EPS15: variants seen among roughly 807,000 people sequenced by gnomAD.
The protein encoded by EPS15 is epidermal growth factor receptor pathway substrate 15, also known as epidermal growth factor receptor substrate 15.
EPS15 carries 72 observed loss-of-function variants against 113.8 expected under a neutral mutation model. The observed-to-expected ratio is 0.63, with a 90% CI of 0.52 to 0.77. The LOEUF is 0.77. Among genes scored for constraint, EPS15 ranks in the 30% least tolerant of loss-of-function variants. EPS15 has a pLI of 0.00. For missense variants in EPS15, 1,048 were observed against 1,045.8 expected, an observed-to-expected ratio of 1.00 and a Z score of -0.03; for synonymous variants, 344 against 363.4, an observed-to-expected ratio of 0.95 and a Z score of 0.61.
chr1:51,391,461 A>AATAAC, intron 21 of EPS15, among the ~76,000 whole-genome samples: 1 of 136,412 alleles, frequency 7.3e-6, no homozygotes, highest in African/African-American at 3.0e-5. Flanking sequence ...ACTTTAATAA[A>AATAAC]ATAAAATAAA....
At chr1:51,449,713 C>G (rs2148485392) in intron 8 of EPS15, among the ~76,000 whole-genome samples, 1 of 151,626 alleles carries the variant, frequency 6.6e-6, no homozygotes, top group South Asian at 2.1e-4. Flanking sequence ...TCAATCTCCC[C>G]AAGAATTTGG....
At chr1:51,391,064 C>A (rs1293003707) in intron 21 of EPS15, among the ~76,000 whole-genome samples, 2 of 152,116 alleles carry the variant, frequency 1.3e-5, no homozygotes, top group Non-Finnish European at 2.9e-5. Flanking sequence ...GGAACCAACC[C>A]AAATGTCCAT....
rs1485859672 is a variant in EPS15, at chr1:51,355,090, T to C, written c.*1610A>G. 9.0e-6 allele frequency: 2 copies of C among 221,100 alleles called. No homozygotes were observed. The highest frequency in any genetic ancestry group is 1.3e-4 in the East Asian group (2 of 15,010). 13.7% of individuals were successfully genotyped at this position (221,100 alleles called of 1,614,324 possible). A position where few individuals can be genotyped will look rare whatever the true frequency, so the allele number is the denominator to read the frequency against. ...ATTATGATTCAGCCCTTGCTTCATA[T>C]GTATGACTTTTATGCAGAAATGTTT... On this transcript the variant is annotated 3_prime_UTR_variant, in exon 25 of 25. Coordinates refer to ENST00000371733, the MANE Select transcript of EPS15 (RefSeq NM_001981.3).
chr1:51,484,271 C>G (rs1644078760), intron 1 of EPS15, among the ~76,000 whole-genome samples: 2 of 151,690 alleles, frequency 1.3e-5, no homozygotes, highest in Admixed American at 1.3e-4. Flanking sequence ...TAAAAAGAAA[C>G]TATTATTGGG....
rs78522848 is a variant in EPS15 at position 51,401,703 on chromosome 1, G to T, written c.1882+732C>A. ...CTAGAAAGATGTTCAACATTAGTCA[G>T]TAGGAAAATACAAAGCAGGCCAGGC... is the stretch of plus-strand genomic sequence containing the variant. On this transcript the variant is annotated intron_variant, in intron 18 of 24. Transcript: ENST00000371733. 6.7e-4 allele frequency among the ~76,000 whole-genome samples: 102 copies of T among 152,286 alleles called. 5 individuals carry two copies. In the East Asian group the frequency reaches 0.019, roughly 28 times the overall value.
chr1:51,484,565 C>G (rs1396472206), intron 1 of EPS15, among the ~76,000 whole-genome samples: 1 of 152,100 alleles, frequency 6.6e-6, no homozygotes, highest in African/African-American at 2.4e-5. Context: ...AGTGCTTTCA[C>G]CACATAAACA....
chr1:51,415,796 C>CAAAAAAA (rs55806131), intron 13 of EPS15, among the ~76,000 whole-genome samples: 13 of 21,968 alleles, frequency 5.9e-4, no homozygotes, highest in Non-Finnish European at 7.9e-4. Context: ...AACTCCGTCT[C>CAAAAAAA]AAAAAAAAAA....
chr1:51,360,760 A>C (rs1413470846), intron 24 of EPS15, among the ~76,000 whole-genome samples: 3 of 151,906 alleles, frequency 2.0e-5, no homozygotes, highest in Admixed American at 1.3e-4. Flanking sequence ...AACTTTATAC[A>C]CAAACACACA....
chr1:51,398,941 T>G lies in EPS15; in HGVS notation c.2052+91A>C. 3 of 1,131,646 alleles carry G rather than the reference T, an allele frequency of 2.7e-6. 1 individual carries two copies. The highest frequency in any genetic ancestry group is 3.3e-5 in the South Asian group (2 of 60,502). 70.1% of individuals were successfully genotyped at this position (1,131,646 alleles called of 1,614,324 possible). A position where few individuals can be genotyped will look rare whatever the true frequency, so the allele number is the denominator to read the frequency against. On this transcript the variant is annotated intron_variant, in intron 20 of 24. Coordinates refer to ENST00000371733, the MANE Select transcript of EPS15 (RefSeq NM_001981.3). ...TATGGTCCATTAGAAGTAATCTAAA[T>G]GAGGGTTCTTTCATCACTATGTATT...
chr1:51,417,255 CATAA>C (rs1650317256), intron 13 of EPS15, among the ~76,000 whole-genome samples: 1 of 152,216 alleles, frequency 6.6e-6, no homozygotes, highest in South Asian at 2.1e-4. Flanking sequence ...TATGATGAAA[CATAA>C]ATAATAGGGA....
intron 21 of EPS15, among the ~76,000 whole-genome samples, chr1:51,370,169 C>T (rs1646611168): frequency 6.6e-6 from 1 of 152,128 alleles, no homozygotes; most frequent in Non-Finnish European, 1.5e-5. Flanking sequence ...GACTTCATAG[C>T]CATCATAATA....
At chr1:51,503,800 T>C (rs1644453068) in intron 1 of EPS15, among the ~76,000 whole-genome samples, 1 of 152,220 alleles carries the variant, frequency 6.6e-6, no homozygotes, top group South Asian at 2.1e-4. Context: ...TATGGTTAAC[T>C]GATTATTGAC....
intron 8 of EPS15, chr1:51,457,510 C>CTTTTTTT (rs34245440): frequency 2.8e-5 from 2 of 70,724 alleles, no homozygotes; most frequent in African/African-American, 5.5e-5. Flanking sequence ...GGAATATTAT[C>CTTTTTTT]TTTTTTTTTT....
intron 12 of EPS15, among the ~76,000 whole-genome samples, chr1:51,437,983 T>C (rs937653154): frequency 6.6e-6 from 1 of 152,180 alleles, no homozygotes; most frequent in Non-Finnish European, 1.5e-5. Flanking sequence ...AAAACGGTTA[T>C]TCACAAGAAT....
At chr1:51,373,327 T>A (rs1646709399) in intron 21 of EPS15, 2 of 152,620 alleles carry the variant, frequency 1.3e-5, no homozygotes, top group Non-Finnish European at 2.9e-5. Flanking sequence ...TAGAGCTCTA[T>A]GCCTCGGGTC....
intron 21 of EPS15, among the ~76,000 whole-genome samples, chr1:51,378,849 G>GA (rs372135874): frequency 2.0e-5 from 3 of 151,520 alleles, no homozygotes; most frequent in Admixed American, 1.3e-4. Context: ...AGTTTGAGGG[G>GA]AAAAAAAAGA....
At chr1:51,366,113 C>A in intron 21 of EPS15, 84 bp from the exon 22 acceptor site, 1 of 877,684 alleles carries the variant, frequency 1.1e-6, no homozygotes, top group Non-Finnish European at 1.8e-6. Context: ...GTCCACCCAG[C>A]CTCAAGAGCA....
At chr1:51,478,188 G>C (rs995872687) in intron 2 of EPS15, among the ~76,000 whole-genome samples, 1 of 152,114 alleles carries the variant, frequency 6.6e-6, no homozygotes, top group Non-Finnish European at 1.5e-5. Context: ...TTGTTGAATT[G>C]ATCCCTTTAC....
At chr1:51,502,549 T>C (rs546140319) in intron 1 of EPS15, among the ~76,000 whole-genome samples, 8 of 152,214 alleles carry the variant, frequency 5.3e-5, no homozygotes, top group Admixed American at 3.3e-4. Context: ...AGTAAATCTG[T>C]ATTTGCAGAG....
Sources: allele counts gnomAD v4.1 joint callset (sites outside exome capture counted in the v4.1 genomes callset), GRCh38; gene constraint gnomAD v4.1.1; transcripts MANE v1.5; gene names NCBI Gene and HGNC (gene_info 2026-07-23, HGNC 2026-07-21).